The following CCAR2 variants were observed in gnomAD, a reference collection of about 807,000 sequenced individuals.
CCAR2 encodes cell cycle and apoptosis regulator protein 2.
A neutral mutation model predicts 108.1 loss-of-function variants in CCAR2; 21 were observed. That is an observed-to-expected ratio of 0.19 (90% confidence interval 0.14 to 0.28). CCAR2 has a LOEUF of 0.28. CCAR2 is among the 10% of genes least tolerant of loss of function. The pLI is 1.00. For synonymous variants in CCAR2, 577 were observed against 472.8 expected (o/e 1.22, Z -2.86); for missense variants, 1,126 against 1,177.0 (o/e 0.96, Z 0.63).
Position 22,607,906 on chromosome 8 carries a change from G to A in CCAR2, c.488-63G>A, listed in dbSNP as rs1412204805. 13 of 1,317,642 alleles carry A rather than the reference G, an allele frequency of 9.9e-6. No homozygotes were observed. In the East Asian group the frequency reaches 1.4e-4, roughly 14 times the overall value. 81.6% of individuals were successfully genotyped at this position (1,317,642 alleles called of 1,614,324 possible). A position where few individuals can be genotyped will look rare whatever the true frequency, so the allele number is the denominator to read the frequency against. On this transcript the variant is annotated intron_variant, in intron 6 of 20. Coordinates refer to ENST00000308511, the MANE Select transcript of CCAR2 (RefSeq NM_001393997.1). ...CTCTCAAAGTGCTGGGATTACAGGT[G>A]TGAGCTATTGCACCCGGCCGGTTTT... is the stretch of plus-strand genomic sequence containing the variant.
chr8:22,615,227 C>A, intron 11 of CCAR2, 198 bp from the exon 12 acceptor site: 1 of 847,676 alleles, frequency 1.2e-6, no homozygotes, highest in African/African-American at 1.7e-5. Flanking sequence ...TTGTAGGGTG[C>A]TTGTGTGGTT....
chr8:22,619,640 T>TGACA lies in CCAR2; in HGVS notation c.2732_2735dup (p.Ser912ArgfsTer12). ...GGTACATCATCTGTTTCAAACAGGCTGACAGCTGGGTGGAGAAGGAGGAGC... is the reference window on the plus strand; with the variant it reads ...GGTACATCATCTGTTTCAAACAGGCTGACAGACAGCTGGGTGGAGAAGGAGGAGC... On this transcript the variant is annotated frameshift_variant, in exon 21 of 21. Coordinates refer to ENST00000308511, the MANE Select transcript of CCAR2 (RefSeq NM_001393997.1). LOFTEE classifies it high-confidence loss of function. 1.3e-6 allele frequency: 2 copies of TGACA among 1,572,778 alleles called. No homozygotes were observed. Among genetic ancestry groups the TGACA allele is most frequent in the Non-Finnish European group, 8.6e-7 (1 of 1,158,460 alleles).
chr8:22,619,406 A>C (rs755242876), intron 20 of CCAR2, 51 bp downstream of exon 20: 5 of 1,536,812 alleles, frequency 3.3e-6, no homozygotes, highest in Non-Finnish European at 4.4e-6. Context: ...CCTGAGCTCC[A>C]AAAGTCCCCA....
intron 7 of CCAR2, among the ~76,000 whole-genome samples, chr8:22,612,005 C>T (rs1438292874): frequency 6.7e-6 from 1 of 149,584 alleles, no homozygotes; most frequent in Non-Finnish European, 1.5e-5. Context: ...AGTGGAATGG[C>T]GCGATCTCGG....
chr8:22,611,391 T>TGTGTGTGG (rs1418503547), intron 7 of CCAR2, among the ~76,000 whole-genome samples: 7 of 141,114 alleles, frequency 5.0e-5, no homozygotes, highest in Admixed American at 2.1e-4. Flanking sequence ...TATATATATG[T>TGTGTGTGG]GTGTGTGTGT....
intron 6 of CCAR2, 81 bp downstream of exon 6, chr8:22,607,406 C>T: frequency 1.3e-6 from 2 of 1,544,844 alleles, no homozygotes; most frequent in Non-Finnish European, 1.8e-6. Context: ...CTGCTCTTAG[C>T]ATAGAGGTGG....
chr8:22,605,520 C>T (rs1300194763), intron 1 of CCAR2: 4 of 539,498 alleles, frequency 7.4e-6, no homozygotes, highest in Non-Finnish European at 1.3e-5. Flanking sequence ...ATGACAGTAT[C>T]ATGCACCACT....
At position 22,615,011 on chromosome 8, in the gene CCAR2, C is replaced by T. The variant is rs1801442613; in HGVS notation, c.1205+10C>T. 1.3e-6 allele frequency: 2 copies of T among 1,548,834 alleles called. No homozygotes were observed. The highest frequency in any genetic ancestry group is 1.7e-6 in the Non-Finnish European group (2 of 1,145,158). ...GCGGCTGTACCAAGTGGTGAGTGGG[C>T]TTCCTGAGCCTCAGCTGCACCAACG... On this transcript the variant is annotated intron_variant, in intron 11 of 20. Transcript: ENST00000308511.
chr8:22,606,763 A>G (rs2117412206), intron 4 of CCAR2, 65 bp downstream of exon 4: 2 of 1,482,832 alleles, frequency 1.3e-6, no homozygotes, highest in Non-Finnish European at 1.9e-6. Flanking sequence ...CCATGCTGGT[A>G]TTGCCCCCAC....
intron 20 of CCAR2, 43 bp downstream of exon 20, chr8:22,619,398 T>C (rs1462738831): frequency 6.5e-7 from 1 of 1,541,248 alleles, no homozygotes; most frequent in Admixed American, 2.0e-5. Flanking sequence ...CTCCTTTCCC[T>C]GAGCTCCAAA....
Position 22,619,504 on chromosome 8 carries a change from G to C in CCAR2, c.2728-134G>C, listed in dbSNP as rs933519181. On this transcript the variant is annotated intron_variant, in intron 20 of 20. Transcript: ENST00000308511. ...ATCGCTTGCCAGGCAGTGTGCCCCT[G>C]GTTGCAGGTTCTCTGGGAATTGAGC... is the stretch of plus-strand genomic sequence containing the variant. 6 of 1,398,260 alleles carry C rather than the reference G, an allele frequency of 4.3e-6. No individual in the cohort carries two copies. In the African/African-American group the frequency reaches 8.6e-5, roughly 20 times the overall value. 86.6% of individuals were successfully genotyped at this position (1,398,260 alleles called of 1,614,324 possible).
chr8:22,619,625 C>G lies in CCAR2; in HGVS notation c.2728-13C>G. 1 of 1,560,270 alleles carries G rather than the reference C, an allele frequency of 6.4e-7. No homozygotes were observed. Among genetic ancestry groups the G allele is most frequent in the South Asian group, 1.2e-5 (1 of 84,960 alleles). ...CCAGGCCCGATTCTGGGTACATCAT[C>G]TGTTTCAAACAGGCTGACAGCTGGG... On this transcript the variant is annotated splice_polypyrimidine_tract_variant and intron_variant, in intron 20 of 20. Transcript: ENST00000308511.
rs200712865 is a variant in CCAR2, at chr8:22,618,631, C to T, written c.2235C>T (p.Val745=). 5.1e-5 allele frequency: 82 copies of T among 1,613,968 alleles called. No individual in the cohort carries two copies. Among genetic ancestry groups the T allele is most frequent in the Non-Finnish European group, 5.1e-5 (60 of 1,180,048 alleles). ...GTTTTCTGCAGGCCAAGCAGCTGGT[C>T]AGCAGGGTGGTGACCCAGAACATCT... The part of the protein sequence containing the change: ...RLSAEQAKQL[V]SRVVTQNICQ... The change falls in exon 18 of 21, where the codon GTC becomes GTT. Residue 745 remains valine, a synonymous_variant. Coordinates refer to ENST00000308511, the MANE Select transcript of CCAR2 (RefSeq NM_001393997.1).
rs200331986 is a variant in CCAR2, at chr8:22,613,150, C to T, written c.704+14C>T. ...CACTGTGGACAGGTGAGTGGCGAGGCTGAGGTGGGCTGAGTCTTGCTGCTG... is the reference window on the plus strand; with the variant it reads ...CACTGTGGACAGGTGAGTGGCGAGGTTGAGGTGGGCTGAGTCTTGCTGCTG... On this transcript the variant is annotated intron_variant, in intron 8 of 20. Transcript: ENST00000308511. 3 of 1,557,718 alleles carry T rather than the reference C, an allele frequency of 1.9e-6. No homozygotes were observed. The highest frequency in any genetic ancestry group is 2.0e-5 in the Admixed American group (1 of 50,032).
chr8:22,608,453 CGTT>C (rs967873476), intron 7 of CCAR2, among the ~76,000 whole-genome samples: 5 of 152,296 alleles, frequency 3.3e-5, no homozygotes, highest in Admixed American at 2.6e-4. Flanking sequence ...TATCTGTTCT[CGTT>C]GTTTAAAACG....
chr8:22,613,629 G>A (rs541840807), intron 8 of CCAR2, among the ~76,000 whole-genome samples: 34 of 152,228 alleles, frequency 2.2e-4, no homozygotes, highest in African/African-American at 7.5e-4. Flanking sequence ...TTATTTCCCC[G>A]TGCCGTTGCC....
chr8:22,606,283 C>G, intron 3 of CCAR2, 107 bp downstream of exon 3: 1 of 1,006,708 alleles, frequency 9.9e-7, no homozygotes, highest in Non-Finnish European at 1.5e-6. Context: ...CCTGATCCCT[C>G]TCCTGGTAGT....
chr8:22,606,801 T>A (rs1801097193), intron 4 of CCAR2, 103 bp downstream of exon 4: 1 of 1,480,412 alleles, frequency 6.8e-7, no homozygotes, highest in Non-Finnish European at 9.4e-7. Context: ...CTTTGCTGTT[T>A]TTGTGCAAGG....
intron 1 of CCAR2, chr8:22,605,205 A>ATTTTTT: frequency 5.4e-6 from 1 of 184,888 alleles, no homozygotes; most frequent in Non-Finnish European, 1.2e-5. Context: ...CCGGTCGAGG[A>ATTTTTT]AACAACGGGT....
Sources: allele counts gnomAD v4.1 joint callset (sites outside exome capture counted in the v4.1 genomes callset), GRCh38; gene constraint gnomAD v4.1.1; transcripts MANE v1.5; gene names NCBI Gene and HGNC (gene_info 2026-07-23, HGNC 2026-07-21).